WDR72: variants seen among roughly 807,000 people sequenced by gnomAD.
WDR72 encodes WD repeat-containing protein 72.
Under a neutral mutation model 124.2 loss-of-function variants are expected in WDR72, and 120 were observed. The ratio of observed to expected loss-of-function variants is 0.97; its 90% CI spans 0.83 to 1.12. WDR72 has a LOEUF of 1.12. WDR72 is among the 50% of genes most tolerant of loss of function. The pLI is 0.00. For synonymous variants in WDR72, 452 were observed against 441.7 expected (o/e 1.02, Z -0.29); for missense variants, 1,387 against 1,278.8 (o/e 1.08, Z -1.29).
intron 14 of WDR72, among the ~76,000 whole-genome samples, chr15:53,625,770 G>T (rs1156980189): frequency 6.8e-6 from 1 of 146,644 alleles, no homozygotes; most frequent in Non-Finnish European, 1.5e-5. Flanking sequence ...ATATAAAAAG[G>T]AAAAACAGAA....
rs184152698 is a variant in WDR72 at position 53,580,279 on chromosome 15, T to C, written c.3148+16800A>G. ...ATGCAAAGTGAAAATAATAATTTCA[T>C]TTAAAAAAGCTTGTCTCCAAGAACA... On this transcript the variant is annotated intron_variant, in intron 18 of 19. Coordinates refer to ENST00000360509, the MANE Select transcript of WDR72 (RefSeq NM_182758.4). Among the ~76,000 whole-genome samples, 475 of 152,216 alleles carry C rather than the reference T, an allele frequency of 3.1e-3. 8 individuals are homozygous for C. The highest frequency in any genetic ancestry group is 1.6e-3 in the Non-Finnish European group (111 of 68,016).
chr15:53,737,156 T>C (rs192907326), intron 1 of WDR72, among the ~76,000 whole-genome samples: 4 of 152,170 alleles, frequency 2.6e-5, no homozygotes, highest in Admixed American at 1.3e-4. Flanking sequence ...TCAGGTTTTA[T>C]TGGGAAACTG....
At chr15:53,663,157 AAG>A (rs1392626381) in intron 14 of WDR72, among the ~76,000 whole-genome samples, 2 of 151,982 alleles carry the variant, frequency 1.3e-5, no homozygotes, top group African/African-American at 4.8e-5. Context: ...ATGAAATGCT[AAG>A]AGAAAAAGTG....
At chr15:53,738,898 T>C (rs2018432266) in intron 1 of WDR72, among the ~76,000 whole-genome samples, 1 of 152,204 alleles carries the variant, frequency 6.6e-6, no homozygotes, top group African/African-American at 2.4e-5. Flanking sequence ...TGAGCCACTG[T>C]ACCCAGCCAG....
At chr15:53,598,196 T>C (rs16966261) in intron 17 of WDR72, among the ~76,000 whole-genome samples, 20,864 of 151,892 alleles carry the variant, frequency 0.14, 2,208 homozygotes, top group African/African-American at 0.3. Flanking sequence ...TCACTCTTCT[T>C]CAGCCAACAG....
chr15:53,588,476 T>C (rs562658610), intron 18 of WDR72, among the ~76,000 whole-genome samples: 1 of 152,098 alleles, frequency 6.6e-6, no homozygotes, highest in South Asian at 2.1e-4. Context: ...TAATAAGAAA[T>C]GTTTCGAGTT....
At chr15:53,612,520 A>AAAGCTAATGCAAAGGTC (rs2013584801) in intron 16 of WDR72, among the ~76,000 whole-genome samples, 1 of 152,058 alleles carries the variant, frequency 6.6e-6, no homozygotes, top group Non-Finnish European at 1.5e-5. Context: ...AGGCAAAGGT[A>AAAGCTAATGCAAAGGTC]CAGCTAATGC....
At chr15:53,751,303 T>C (rs2018768410) in intron 1 of WDR72, among the ~76,000 whole-genome samples, 1 of 151,444 alleles carries the variant, frequency 6.6e-6, no homozygotes, top group African/African-American at 2.4e-5. Context: ...ATTATTGTCA[T>C]ATTTTAAGAA....
In WDR72 at chr15:53,733,092, T is replaced by C. The variant is rs1437913590; in HGVS notation, c.58A>G (p.Ile20Val). 6.2e-7 allele frequency: 1 copy of C among 1,614,084 alleles called. No homozygotes were observed. The highest frequency in any genetic ancestry group is 2.2e-5 in the East Asian group (1 of 44,882). Reference protein sequence around the residue: ...LWGQKAPPHSITAIMITDDQR... With the variant: ...LWGQKAPPHSVTAIMITDDQR... Reference sequence around the variant, plus strand: ...TCATCAGTGATCATGATGGCAGTGATGCTGTGGGGAGGGGCCTTCTGTCCC... The same window carrying C: ...TCATCAGTGATCATGATGGCAGTGACGCTGTGGGGAGGGGCCTTCTGTCCC... The change falls in exon 2 of 20, where the codon ATC becomes GTC. Residue 20 changes from isoleucine to valine, a missense_variant. Coordinates refer to ENST00000360509, the MANE Select transcript of WDR72 (RefSeq NM_182758.4).
chr15:53,562,663 A>AT (rs763577815), intron 18 of WDR72, among the ~76,000 whole-genome samples: 2 of 151,810 alleles, frequency 1.3e-5, no homozygotes, highest in Non-Finnish European at 2.9e-5. Context: ...AGGGATGATG[A>AT]TATATAAATG....
chr15:53,756,259 T>A (rs2018902582), intron 1 of WDR72, among the ~76,000 whole-genome samples: 1 of 152,154 alleles, frequency 6.6e-6, no homozygotes, highest in African/African-American at 2.4e-5. Flanking sequence ...GGCTTCCCCC[T>A]TTGCTCCGCA....
rs1454844797 is a variant in WDR72 at position 53,517,545 on chromosome 15, A to T, written c.*154T>A. On this transcript the variant is annotated 3_prime_UTR_variant, in exon 20 of 20. Coordinates refer to ENST00000360509, the MANE Select transcript of WDR72 (RefSeq NM_182758.4). ...TGCATTGTAATCAGCATGTATTAAAATCACTTTAATACATGTTGGCTAAAG... is the reference window on the plus strand; with the variant it reads ...TGCATTGTAATCAGCATGTATTAAATTCACTTTAATACATGTTGGCTAAAG... 6.7e-6 allele frequency: 5 copies of T among 748,498 alleles called. No homozygotes were observed. Among genetic ancestry groups the T allele is most frequent in the Non-Finnish European group, 1.2e-5 (5 of 422,868 alleles). The allele number at this position is 748,498 out of a possible 1,614,324, so 46.4% of individuals were successfully genotyped here.
At position 53,757,305 on chromosome 15, in the gene WDR72, AC is replaced by A. The variant is rs200840936; in HGVS notation, c.-13+2327del. 6.0e-3 allele frequency among the ~76,000 whole-genome samples: 913 copies of A among 152,232 alleles called. 17 individuals carry two copies. The highest frequency in any genetic ancestry group is 5.9e-3 in the Non-Finnish European group (399 of 68,018). ...ATATAGAAAAGGCCTCCAGAAAGGT[AC>A]CTTTTATGATGTAGCGATAGAATTA... On this transcript the variant is annotated intron_variant, in intron 1 of 19. Coordinates refer to ENST00000360509, the MANE Select transcript of WDR72 (RefSeq NM_182758.4).
chr15:53,632,435 G>A (rs935651953), intron 14 of WDR72, among the ~76,000 whole-genome samples: 1 of 152,120 alleles, frequency 6.6e-6, no homozygotes, highest in African/African-American at 2.4e-5. Context: ...TGCCGCAGGA[G>A]TGGAGCCCTC....
intron 16 of WDR72, among the ~76,000 whole-genome samples, chr15:53,611,896 T>A (rs2013555373): frequency 6.6e-6 from 1 of 152,100 alleles, no homozygotes; most frequent in South Asian, 2.1e-4. Context: ...CACTTGAAAA[T>A]ACTCTTTTCA....
At chr15:53,647,380 T>A (rs1394642606) in intron 14 of WDR72, among the ~76,000 whole-genome samples, 1 of 152,064 alleles carries the variant, frequency 6.6e-6, no homozygotes, top group Non-Finnish European at 1.5e-5. Flanking sequence ...TTACAAAGAA[T>A]TCAATAATAA....
At chr15:53,651,502 A>G (rs1441718192) in intron 14 of WDR72, among the ~76,000 whole-genome samples, 2 of 152,256 alleles carry the variant, frequency 1.3e-5, no homozygotes, top group African/African-American at 4.8e-5. Context: ...CTGAATGAAT[A>G]AAGTATTCTG....
chr15:53,689,932 T>C (rs2016780658), intron 13 of WDR72, among the ~76,000 whole-genome samples: 3 of 150,434 alleles, frequency 2.0e-5, no homozygotes, highest in African/African-American at 7.4e-5. Flanking sequence ...TGGATGAAAT[T>C]GGAAATCATC....
intron 16 of WDR72, among the ~76,000 whole-genome samples, chr15:53,612,656 G>C (rs910779882): frequency 6.6e-6 from 1 of 152,048 alleles, no homozygotes. Context: ...TGATGACATA[G>C]GTAGAGCAGC....
Sources: gnomAD v4.1 joint callset for allele counts (sites outside exome capture counted in the v4.1 genomes callset) on GRCh38, gnomAD v4.1.1 for gene constraint, MANE v1.5 for transcripts, NCBI Gene and HGNC (gene_info 2026-07-23, HGNC 2026-07-21) for gene names.